ITPKB: variants seen among roughly 807,000 people sequenced by gnomAD.
ITPKB encodes inositol-trisphosphate 3-kinase B.
Under a neutral mutation model 69.4 loss-of-function variants are expected in ITPKB, and 13 were observed. The ratio of observed to expected loss-of-function variants is 0.19; its 90% confidence interval spans 0.12 to 0.30. ITPKB has a LOEUF of 0.30. ITPKB is among the 10% of genes least tolerant of loss of function. The probability of loss-of-function intolerance (pLI) is 1.00; values close to 1 mark genes in which losing one functional copy is unlikely to be tolerated. For missense variants in ITPKB, 1,240 were observed against 1,250.5 expected, an observed-to-expected ratio of 0.99 and a Z score of 0.13; for synonymous variants, 584 against 513.7, an observed-to-expected ratio of 1.14 and a Z score of -1.85.
intron 2 of ITPKB, among the ~76,000 whole-genome samples, chr1:226,716,399 T>G (rs1657096945): frequency 6.6e-6 from 1 of 152,240 alleles, no homozygotes; most frequent in Non-Finnish European, 1.5e-5. Flanking sequence ...TCTTTTTATT[T>G]TCTTTTTAAA....
chr1:226,738,037 C>A lies in ITPKB; in HGVS notation c.-205-374G>T, dbSNP rs1258875525. 1.3e-5 allele frequency among the ~76,000 whole-genome samples: 2 copies of A among 152,226 alleles called. No homozygotes were observed. The highest frequency in any genetic ancestry group is 2.9e-5 in the Non-Finnish European group (2 of 68,034). On this transcript the variant is annotated intron_variant, in intron 1 of 7. Coordinates refer to ENST00000429204, the MANE Select transcript of ITPKB (RefSeq NM_002221.4). This position sits in a 1 kb window ranked among gnomAD's most constrained non-coding sequence, Gnocchi z 4.2. ...CAGCTCTCCCGGGCTGAGGACACCCCAGCCACCGTCTCCGGGTCTCCCCAG... is the reference window on the plus strand; with the variant it reads ...CAGCTCTCCCGGGCTGAGGACACCCAAGCCACCGTCTCCGGGTCTCCCCAG...
At position 226,696,294 on chromosome 1, in the gene ITPKB, T is replaced by C. The variant is rs1022602562; in HGVS notation, c.1932+39233A>G. ...ACTTAATTTGAAATATATACACACA[T>C]ATATATACACATATATAGATCTACG... On this transcript the variant is annotated intron_variant, in intron 2 of 7. Coordinates refer to ENST00000429204, the MANE Select transcript of ITPKB (RefSeq NM_002221.4). 5.3e-5 allele frequency among the ~76,000 whole-genome samples: 8 copies of C among 151,838 alleles called. No individual in the cohort carries two copies. In the East Asian group the frequency reaches 9.6e-4, roughly 18 times the overall value.
Position 226,737,233 on chromosome 1 carries a change from G to T in ITPKB, c.226C>A (p.Arg76=). The T allele has an allele frequency of 6.4e-7, 1 of 1,560,902 alleles. No homozygotes were observed. The highest frequency in any genetic ancestry group is 8.6e-7 in the Non-Finnish European group (1 of 1,160,612). Residue 76 remains arginine, a synonymous_variant, in exon 2 of 8, where the codon CGG becomes AGG. Transcript: ENST00000429204. The stretch of plus-strand genomic sequence containing the variant: ...CTATTCAGCCTGCGCCGGCCGCTCC[G>T]CCAGCCCCCGGGGCTCCGGGGCTCC... The part of the protein sequence containing the change: ...PEEPRSPGGW[R]SGRRRLNSSS...
In ITPKB at chr1:226,641,978, C is replaced by T; in HGVS notation, c.2394G>A (p.Gln798=). The change falls in exon 5 of 8, where the codon CAG becomes CAA. Residue 798 remains glutamine (Q), a synonymous_variant. Coordinates refer to ENST00000429204, the MANE Select transcript of ITPKB (RefSeq NM_002221.4). The surrounding 1 kb of genome is among the most constrained non-coding windows in gnomAD (Gnocchi z 4.6). ...QRAVTKPRYM[Q]WRETISSTAT... ...CCGTGGAGCTGATGGTCTCCCGCCA[C>T]TGCATGTACCGTGGCTTGGTCACAG... The T allele has an allele frequency of 6.2e-7, 1 of 1,614,246 alleles. No homozygotes were observed. The highest frequency in any genetic ancestry group is 8.5e-7 in the Non-Finnish European group (1 of 1,180,042).
intron 2 of ITPKB, among the ~76,000 whole-genome samples, chr1:226,698,018 C>T (rs913385941): frequency 4.6e-5 from 7 of 152,216 alleles, no homozygotes; most frequent in Non-Finnish European, 5.9e-5. Context: ...CGGGGCAGAA[C>T]AGCACTGTAG....
At chr1:226,656,433 G>A (rs1669291167) in intron 2 of ITPKB, among the ~76,000 whole-genome samples, 1 of 152,150 alleles carries the variant, frequency 6.6e-6, no homozygotes, top group African/African-American at 2.4e-5. Flanking sequence ...TTCCTTATCA[G>A]GGCCCTGACA....
chr1:226,734,700 A>C (rs1264825945), intron 2 of ITPKB, among the ~76,000 whole-genome samples: 1 of 152,226 alleles, frequency 6.6e-6, no homozygotes, highest in East Asian at 1.9e-4. Context: ...AATAGAAATA[A>C]ACTCCTGTCT....
rs750561260 is a variant in ITPKB at position 226,736,389 on chromosome 1, G to A, written c.1070C>T (p.Ala357Val). ...ATCGCGGGGCCCGCCCCTTTCTGGGGCTGGGCTTGTCTCACTGCCCAGAAA... is the reference window on the plus strand; with the variant it reads ...ATCGCGGGGCCCGCCCCTTTCTGGGACTGGGCTTGTCTCACTGCCCAGAAA... ...GQFLGSETSP[A>V]PERGGPRDGE... The change falls in exon 2 of 8, where the codon GCC (alanine) becomes GTC (valine). Residue 357 changes from alanine (A) to valine (V), a missense_variant. Transcript: ENST00000429204. The A allele has an allele frequency of 8.7e-6, 14 of 1,612,456 alleles. No homozygotes were observed. The highest frequency in any genetic ancestry group is 1.1e-5 in the Non-Finnish European group (13 of 1,179,960).
chr1:226,693,624 T>G lies in ITPKB; in HGVS notation c.1932+41903A>C, dbSNP rs187180826. Among the ~76,000 whole-genome samples, 6 of 152,364 alleles carry G rather than the reference T, an allele frequency of 3.9e-5. 1 individual carries two copies. Among genetic ancestry groups the G allele is most frequent in the African/African-American group, 1.4e-4 (6 of 41,580 alleles). ...TGCTGTTATTTTCTATTCTACTCTA[T>G]CATATTCTATTTTATTAAAATCTAT... On this transcript the variant is annotated intron_variant, in intron 2 of 7. Transcript: ENST00000429204.
intron 2 of ITPKB, chr1:226,656,816 T>G (rs1203153681): frequency 6.6e-6 from 1 of 152,228 alleles, no homozygotes; most frequent in Non-Finnish European, 1.5e-5. Context: ...CAGGTATCAA[T>G]GCACACACCC....
At chr1:226,686,806 G>A (rs1053908530) in intron 2 of ITPKB, among the ~76,000 whole-genome samples, 1 of 152,254 alleles carries the variant, frequency 6.6e-6, no homozygotes, top group Admixed American at 6.5e-5. Context: ...GTCCTGGGGT[G>A]CCAAGTGTGC....
At chr1:226,636,004 GC>G (rs1248457325) in intron 7 of ITPKB, among the ~76,000 whole-genome samples, 1 of 152,236 alleles carries the variant, frequency 6.6e-6, no homozygotes, top group African/African-American at 2.4e-5. Context: ...CTTCCTCTTC[GC>G]AGGTGGAAAA....
At chr1:226,691,409 G>T (rs28694682) in intron 2 of ITPKB, among the ~76,000 whole-genome samples, 23 of 152,068 alleles carry the variant, frequency 1.5e-4, no homozygotes, top group African/African-American at 5.6e-4. Context: ...GGGCCTGGCT[G>T]GGGGGACTCT....
At chr1:226,689,111 C>CT (rs1656285312) in intron 2 of ITPKB, among the ~76,000 whole-genome samples, 1 of 152,204 alleles carries the variant, frequency 6.6e-6, no homozygotes, top group South Asian at 2.1e-4. Flanking sequence ...GCCAAGACAT[C>CT]TGACAACTGG....
At chr1:226,648,267 C>T (rs1325814581) in intron 3 of ITPKB, among the ~76,000 whole-genome samples, 1 of 152,198 alleles carries the variant, frequency 6.6e-6, no homozygotes, top group Non-Finnish European at 1.5e-5. Flanking sequence ...GCAATTTAGG[C>T]ACACAGTAGG....
intron 2 of ITPKB, among the ~76,000 whole-genome samples, chr1:226,699,415 G>A (rs1656579752): frequency 6.6e-6 from 1 of 152,220 alleles, no homozygotes; most frequent in African/African-American, 2.4e-5. Context: ...CCAACAGTGC[G>A]GCCAGGCAGG....
Position 226,634,352 on chromosome 1 carries a change from C to G in ITPKB, c.*319G>C, listed in dbSNP as rs991319437. The G allele has an allele frequency of 9.1e-6, 3 of 327,994 alleles. No individual in the cohort carries two copies. Among genetic ancestry groups the G allele is most frequent in the Non-Finnish European group, 1.7e-5 (3 of 175,792 alleles). 20.3% of individuals were successfully genotyped at this position (327,994 alleles called of 1,614,324 possible). ...GTCCAGGCTGGTGCTTCCTAGGGGG[C>G]TCCCAGAGGCAGGGCTCATCTGGTA... On this transcript the variant is annotated 3_prime_UTR_variant, in exon 8 of 8. Coordinates refer to ENST00000429204, the MANE Select transcript of ITPKB (RefSeq NM_002221.4). This position sits in a 1 kb window ranked among gnomAD's most constrained non-coding sequence, Gnocchi z 6.3.
At chr1:226,648,837 T>C in intron 2 of ITPKB, 66 bp from the exon 3 acceptor site, 3 of 1,175,084 alleles carry the variant, frequency 2.6e-6, no homozygotes, top group Non-Finnish European at 3.8e-6. Flanking sequence ...TTAGGACAAA[T>C]TCAAAGCAAA....
chr1:226,686,079 A>G (rs1470049453), intron 2 of ITPKB, among the ~76,000 whole-genome samples: 1 of 151,676 alleles, frequency 6.6e-6, no homozygotes, highest in Non-Finnish European at 1.5e-5. Context: ...ATGGCAGATA[A>G]AGCGACCCCC....
Sources: allele counts gnomAD v4.1 joint callset (sites outside exome capture counted in the v4.1 genomes callset), GRCh38; gene constraint gnomAD v4.1.1; non-coding constraint Gnocchi (gnomAD v3.1); transcripts MANE v1.5; gene names NCBI Gene and HGNC (gene_info 2026-07-23, HGNC 2026-07-21).